The following GHR variants were observed in gnomAD, a reference collection of about 807,000 sequenced individuals.
The protein encoded by GHR is growth hormone receptor.
In GHR, 35 loss-of-function variants were observed where a neutral mutation model predicts 67.1. The observed-to-expected ratio is 0.52, with a 90% CI of 0.40 to 0.69. The LOEUF (loss-of-function observed/expected upper bound fraction) is 0.69. Among genes scored for constraint, GHR ranks in the 30% least tolerant of loss-of-function variants. GHR has a pLI of 0.00. For synonymous variants in GHR, 272 were observed against 269.1 expected (o/e 1.01, Z -0.10); for missense variants, 792 against 764.6 (o/e 1.04, Z -0.42).
chr5:42,717,665 T>G (rs2111858473), intron 8 of GHR, among the ~76,000 whole-genome samples: 1 of 152,274 alleles, frequency 6.6e-6, no homozygotes, highest in African/African-American at 2.4e-5. Context: ...CTGTACAAAT[T>G]ACTGATGAGA....
chr5:42,447,731 C>A (rs1561308506), intron 1 of GHR, among the ~76,000 whole-genome samples: 1 of 128,624 alleles, frequency 7.8e-6, no homozygotes, highest in African/African-American at 3.2e-5. Context: ...CTCTCTCTCT[C>A]TTTCTTTCTT....
At chr5:42,520,410 T>C (rs1340145094) in intron 1 of GHR, among the ~76,000 whole-genome samples, 2 of 152,126 alleles carry the variant, frequency 1.3e-5, no homozygotes, top group Non-Finnish European at 2.9e-5. Flanking sequence ...AGAGATCTCA[T>C]GGGGACAGGC....
At chr5:42,539,271 A>G (rs1748396806) in intron 1 of GHR, among the ~76,000 whole-genome samples, 1 of 152,090 alleles carries the variant, frequency 6.6e-6, no homozygotes. Flanking sequence ...GCTTTGTCAT[A>G]TTACCAGAGT....
intron 1 of GHR, among the ~76,000 whole-genome samples, chr5:42,458,499 A>T (rs184943045): frequency 3.0e-4 from 45 of 152,304 alleles, no homozygotes; most frequent in Non-Finnish European, 5.1e-4. Context: ...AAAAACTTAA[A>T]TGTAAAACCT....
At position 42,423,839 on chromosome 5, in the gene GHR, T is replaced by A. The variant is rs1204219235; in HGVS notation, c.-128T>A. On this transcript the variant is annotated 5_prime_UTR_variant, in exon 1 of 10. It removes the in-frame stop codon of an upstream open reading frame in the 5' UTR. Transcript: ENST00000230882. The stretch of plus-strand genomic sequence containing the variant: ...TGGCGGTGGCGGCGGCGGCTGCTGC[T>A]GAGCCCGGGCGGCGGCGGGGACCCC... The A allele has an allele frequency of 2.5e-5, 4 of 162,598 alleles. No individual in the cohort carries two copies. The highest frequency in any genetic ancestry group is 5.2e-5 in the Non-Finnish European group (4 of 76,630). The allele number at this position is 162,598 out of a possible 1,614,324, so 10.1% of individuals were successfully genotyped here. A position where few individuals can be genotyped will look rare whatever the true frequency, so the allele number is the denominator to read the frequency against.
At chr5:42,429,525 A>T (rs759956027) in intron 1 of GHR, among the ~76,000 whole-genome samples, 1 of 152,242 alleles carries the variant, frequency 6.6e-6, no homozygotes, top group Non-Finnish European at 1.5e-5. Context: ...TAGCCATTTC[A>T]TTACGCTCTT....
intron 1 of GHR, among the ~76,000 whole-genome samples, chr5:42,545,743 G>T (rs991433261): frequency 6.6e-6 from 1 of 152,146 alleles, no homozygotes; most frequent in Admixed American, 6.5e-5. Context: ...ACAAAAACCT[G>T]CAAAGATATA....
intron 2 of GHR, among the ~76,000 whole-genome samples, chr5:42,620,700 T>C (rs1444708206): frequency 2.0e-5 from 3 of 152,148 alleles, no homozygotes; most frequent in African/African-American, 7.2e-5. Flanking sequence ...CTGTTGTTGA[T>C]TTAAAGTTGA....
chr5:42,621,586 G>C (rs1402207223), intron 2 of GHR, among the ~76,000 whole-genome samples: 2 of 152,142 alleles, frequency 1.3e-5, no homozygotes, highest in African/African-American at 4.8e-5. Context: ...CTTTATCATT[G>C]CGCATTGATT....
intron 2 of GHR, among the ~76,000 whole-genome samples, chr5:42,570,790 T>G (rs1248463148): frequency 6.6e-6 from 1 of 152,214 alleles, no homozygotes; most frequent in Admixed American, 6.5e-5. Flanking sequence ...CTTAGATTAT[T>G]AAAGGGTTTT....
Position 42,480,252 on chromosome 5 carries a change from C to T in GHR, c.-12+56297C>T, listed in dbSNP as rs369678349. Among the ~76,000 whole-genome samples the T allele has an allele frequency of 2.6e-5, 4 of 152,122 alleles. No homozygotes were observed. In the East Asian group the frequency reaches 7.7e-4, roughly 29 times the overall value. ...TTTGATTGCACTGTGGTCTGAGAGA[C>T]AGTTTGTTATAATTTCTGTTCTCTT... On this transcript the variant is annotated intron_variant, in intron 1 of 9. Coordinates refer to ENST00000230882, the MANE Select transcript of GHR (RefSeq NM_000163.5).
At chr5:42,691,564 C>T (rs1757423041) in intron 4 of GHR, among the ~76,000 whole-genome samples, 1 of 152,220 alleles carries the variant, frequency 6.6e-6, no homozygotes, top group African/African-American at 2.4e-5. Context: ...AAACATGCTT[C>T]TCATCCCTGA....
At chr5:42,589,227 G>T (rs989660511) in intron 2 of GHR, among the ~76,000 whole-genome samples, 2 of 152,112 alleles carry the variant, frequency 1.3e-5, no homozygotes, top group African/African-American at 4.8e-5. Flanking sequence ...CCTACCTTCT[G>T]TCTTCCAAAA....
chr5:42,430,079 A>G (rs778858174), intron 1 of GHR, among the ~76,000 whole-genome samples: 1 of 152,240 alleles, frequency 6.6e-6, no homozygotes, highest in Non-Finnish European at 1.5e-5. Flanking sequence ...GAAAGTCTAA[A>G]GTGTTCACAC....
intron 1 of GHR, among the ~76,000 whole-genome samples, chr5:42,530,717 C>G (rs953685661): frequency 5.3e-5 from 8 of 152,078 alleles, no homozygotes; most frequent in Non-Finnish European, 1.2e-4. Context: ...CAGTTTTGCA[C>G]AAGCTGTGTC....
chr5:42,706,170 C>T (rs1331139955), intron 6 of GHR, among the ~76,000 whole-genome samples: 2 of 151,970 alleles, frequency 1.3e-5, no homozygotes, highest in African/African-American at 2.4e-5. Context: ...TTTTTTCTTA[C>T]ACTTGTTGGC....
chr5:42,433,940 C>T (rs1228943434), intron 1 of GHR, among the ~76,000 whole-genome samples: 3 of 151,956 alleles, frequency 2.0e-5, no homozygotes, highest in African/African-American at 7.2e-5. Flanking sequence ...TAGGCTCATC[C>T]CTTGGGTAGG....
chr5:42,440,994 A>G (rs1399364859), intron 1 of GHR, among the ~76,000 whole-genome samples: 1 of 152,222 alleles, frequency 6.6e-6, no homozygotes, highest in African/African-American at 2.4e-5. Flanking sequence ...ACTTCCTCAA[A>G]GAGACACAGT....
At chr5:42,507,364 A>G (rs925079992) in intron 1 of GHR, among the ~76,000 whole-genome samples, 4 of 152,238 alleles carry the variant, frequency 2.6e-5, no homozygotes, top group African/African-American at 9.6e-5. Flanking sequence ...AAGAAATCCT[A>G]TCTCTACTTT....
Sources: allele counts gnomAD v4.1 joint callset (sites outside exome capture counted in the v4.1 genomes callset), GRCh38; gene constraint gnomAD v4.1.1; transcripts MANE v1.5; gene names NCBI Gene and HGNC (gene_info 2026-07-23, HGNC 2026-07-21).